Variants in CADM2 observed in about 807,000 individuals in gnomAD.
The protein encoded by CADM2 is immunoglobulin superfamily member 4D.
A neutral mutation model predicts 49.8 loss-of-function variants in CADM2; 12 were observed. The observed-to-expected ratio is 0.24, with a 90% CI of 0.15 to 0.39. CADM2 has a LOEUF of 0.39. Among genes scored for constraint, CADM2 ranks in the 10% least tolerant of loss-of-function variants. The pLI, the probability that CADM2 is intolerant of heterozygous loss-of-function variation, is 1.00. For synonymous variants in CADM2, 214 were observed against 175.4 expected (o/e 1.22, Z -1.74); for missense variants, 378 against 492.3 (o/e 0.77, Z 2.20).
intron 3 of CADM2, among the ~76,000 whole-genome samples, chr3:85,866,093 GCGCCATTGCACTCTTC>G (rs1219156897): frequency 6.6e-6 from 1 of 152,038 alleles, no homozygotes; most frequent in African/African-American, 2.4e-5. Context: ...AGCCCACATG[GCGCCATTGCACTCTTC>G]TGGGCGACAG....
chr3:85,908,876 C>T (rs1717177871), intron 5 of CADM2, among the ~76,000 whole-genome samples: 1 of 152,002 alleles, frequency 6.6e-6, no homozygotes, highest in African/African-American at 2.4e-5. Context: ...AGGCACCCGC[C>T]ACCAGGCCCA....
chr3:85,561,994 G>C (rs1028709810), intron 1 of CADM2, among the ~76,000 whole-genome samples: 1 of 152,056 alleles, frequency 6.6e-6, no homozygotes, highest in Non-Finnish European at 1.5e-5. Context: ...TTTTAGAAAA[G>C]TGCCTCAGAG....
chr3:85,750,927 T>C (rs10511071), intron 2 of CADM2, among the ~76,000 whole-genome samples: 21,968 of 152,014 alleles, frequency 0.14, 1,807 homozygotes, highest in African/African-American at 0.22. Flanking sequence ...CTTTCTTTCT[T>C]GGAAGCCTCA....
At chr3:85,209,860 A>G (rs1559721877) in intron 1 of CADM2, among the ~76,000 whole-genome samples, 1 of 152,210 alleles carries the variant, frequency 6.6e-6, no homozygotes, top group Non-Finnish European at 1.5e-5. Context: ...TTCTGGGTGA[A>G]AAGATAGTTG....
At chr3:85,192,599 CATA>C (rs1273834314) in intron 1 of CADM2, among the ~76,000 whole-genome samples, 1 of 146,748 alleles carries the variant, frequency 6.8e-6, no homozygotes, top group Non-Finnish European at 1.5e-5. Context: ...TATATGAATT[CATA>C]TATATATATA....
At chr3:85,547,470 T>G (rs977160072) in intron 1 of CADM2, among the ~76,000 whole-genome samples, 6 of 147,456 alleles carry the variant, frequency 4.1e-5, no homozygotes, top group Non-Finnish European at 9.0e-5. Context: ...TTATTTTTTG[T>G]CATAGAGAGC....
intron 1 of CADM2, among the ~76,000 whole-genome samples, chr3:85,709,870 T>A (rs778530314): frequency 6.8e-4 from 103 of 152,140 alleles, no homozygotes; most frequent in East Asian, 3.9e-4. Context: ...TTATGAGGTT[T>A]TAAGGAGGAG....
intron 1 of CADM2, among the ~76,000 whole-genome samples, chr3:85,706,272 T>A (rs1436272909): frequency 6.6e-6 from 1 of 152,226 alleles, no homozygotes; most frequent in Non-Finnish European, 1.5e-5. Flanking sequence ...CCAATTTACT[T>A]TTAGATAATT....
intron 1 of CADM2, among the ~76,000 whole-genome samples, chr3:85,223,276 A>G (rs1332732271): frequency 6.6e-6 from 1 of 152,180 alleles, no homozygotes; most frequent in Non-Finnish European, 1.5e-5. Context: ...TTGATTCAGC[A>G]TATACTCTGT....
At chr3:85,555,080 T>A (rs928907024) in intron 1 of CADM2, among the ~76,000 whole-genome samples, 1 of 151,104 alleles carries the variant, frequency 6.6e-6, no homozygotes, top group African/African-American at 2.4e-5. Context: ...GAAAAAAAAA[T>A]CTAACTGTGT....
chr3:85,299,140 TA>T (rs1261339703), intron 1 of CADM2, among the ~76,000 whole-genome samples: 1 of 152,054 alleles, frequency 6.6e-6, no homozygotes, highest in African/African-American at 2.4e-5. Flanking sequence ...AAGAAACAAA[TA>T]AAAAATCATT....
chr3:85,901,638 C>A (rs1355505048), intron 5 of CADM2, among the ~76,000 whole-genome samples: 1 of 152,134 alleles, frequency 6.6e-6, no homozygotes, highest in African/African-American at 2.4e-5. Context: ...TATTTATTTT[C>A]ACATAGAAAC....
At chr3:85,868,254 G>T (rs1181230978) in intron 3 of CADM2, among the ~76,000 whole-genome samples, 2 of 151,764 alleles carry the variant, frequency 1.3e-5, no homozygotes, top group Non-Finnish European at 2.9e-5. Flanking sequence ...AATTAAAGTT[G>T]TATTATTTTC....
intron 1 of CADM2, among the ~76,000 whole-genome samples, chr3:85,236,339 G>C (rs2042407300): frequency 1.3e-5 from 2 of 151,874 alleles, no homozygotes; most frequent in African/African-American, 2.4e-5. Flanking sequence ...GATTGTAATT[G>C]GAAGAAGGAT....
rs543843081 is a variant in CADM2 at position 85,438,862 on chromosome 3, A to AT, written c.62-287654dup. ...TAATATTTATTTATTTATTATTTAT[A>AT]TTTTTTGTAGAAATAGGCTCTCACT... On this transcript the variant is annotated intron_variant, in intron 1 of 9. Coordinates refer to ENST00000383699, the MANE Select transcript of CADM2 (RefSeq NM_001167675.2). Among the ~76,000 whole-genome samples the AT allele has an allele frequency of 2.9e-3, 445 of 151,942 alleles. 4 individuals carry two copies. The highest frequency in any genetic ancestry group is 0.01 in the African/African-American group (429 of 41,466).
intron 1 of CADM2, among the ~76,000 whole-genome samples, chr3:85,224,497 A>G (rs371461361): frequency 2.6e-5 from 4 of 152,264 alleles, no homozygotes; most frequent in African/African-American, 9.6e-5. Flanking sequence ...GAGTCTGGAT[A>G]TTAGCCCTTT....
intron 1 of CADM2, among the ~76,000 whole-genome samples, chr3:85,378,384 A>G (rs937313918): frequency 6.6e-6 from 1 of 151,924 alleles, no homozygotes; most frequent in African/African-American, 2.4e-5. Flanking sequence ...TTTCTTCTTC[A>G]GAGAGATCTT....
rs541313351 is a variant in CADM2 at position 85,189,211 on chromosome 3, A to G, written c.61+229543A>G. On this transcript the variant is annotated intron_variant, in intron 1 of 9. Transcript: ENST00000383699. Reference sequence around the variant, plus strand: ...GAATTAGCTGTAAGTGGAGCCATGTAGGATATATTTCATGCTTTTGATTTC... The same window carrying G: ...GAATTAGCTGTAAGTGGAGCCATGTGGGATATATTTCATGCTTTTGATTTC... Among the ~76,000 whole-genome samples, 380 of 152,182 alleles carry G rather than the reference A, an allele frequency of 2.5e-3. 4 individuals carry two copies. Among genetic ancestry groups the G allele is most frequent in the African/African-American group, 8.8e-3 (364 of 41,542 alleles).
In CADM2 at chr3:85,237,277, A is replaced by G. The variant is rs1387408366; in HGVS notation, c.61+277609A>G. Among the ~76,000 whole-genome samples, 5 of 151,974 alleles carry G rather than the reference A, an allele frequency of 3.3e-5. No individual in the cohort carries two copies. In the East Asian group the frequency reaches 5.8e-4, roughly 18 times the overall value. The stretch of plus-strand genomic sequence containing the variant: ...CTTTTAGTCATAATTATAAATATCT[A>G]TTAGGTTCAAAATTACCTAGATGTG... On this transcript the variant is annotated intron_variant, in intron 1 of 9. Coordinates refer to ENST00000383699, the MANE Select transcript of CADM2 (RefSeq NM_001167675.2).
Sources: gnomAD v4.1 joint callset for allele counts (sites outside exome capture counted in the v4.1 genomes callset) on GRCh38, gnomAD v4.1.1 for gene constraint, MANE v1.5 for transcripts, NCBI Gene and HGNC (gene_info 2026-07-23, HGNC 2026-07-21) for gene names.